The following GALNT13 variants were observed in gnomAD, a reference collection of about 807,000 sequenced individuals.
The protein encoded by GALNT13 is polypeptide N-acetylgalactosaminyltransferase 13.
GALNT13 carries 28 observed loss-of-function variants against 64.2 expected under a neutral mutation model. The observed-to-expected ratio is 0.44, with a 90% CI of 0.32 to 0.60. GALNT13 has a LOEUF of 0.60. Among genes scored for constraint, GALNT13 ranks in the 20% least tolerant of loss-of-function variants. GALNT13 has a pLI of 0.05. For missense variants in GALNT13, 577 were observed against 669.8 expected (o/e 0.86, Z 1.53); for synonymous variants, 214 against 224.6 (o/e 0.95, Z 0.42).
chr2:153,924,592 G>C (rs1195268825), intron 2 of GALNT13, among the ~76,000 whole-genome samples: 2 of 152,120 alleles, frequency 1.3e-5, no homozygotes, highest in Non-Finnish European at 2.9e-5. Flanking sequence ...GAGATTGCTG[G>C]ATCAAATGGC....
the GALNT13 span, among the ~76,000 whole-genome samples, chr2:153,491,295 CA>C: frequency 4.6e-5 from 7 of 151,796 alleles, no homozygotes; most frequent in Admixed American, 2.6e-4. Context: ...TGAAGCTTCA[CA>C]AAGGAAAAGT....
At chr2:153,970,507 C>T (rs1022054308) in intron 3 of GALNT13, among the ~76,000 whole-genome samples, 3 of 152,140 alleles carry the variant, frequency 2.0e-5, no homozygotes, top group African/African-American at 7.2e-5. Flanking sequence ...TGTACTTATT[C>T]CTTTAGTGAT....
intron 10 of GALNT13, among the ~76,000 whole-genome samples, chr2:154,401,635 T>G (rs1049620861): frequency 7.9e-5 from 12 of 152,158 alleles, no homozygotes; most frequent in Non-Finnish European, 1.5e-4. Context: ...TAAACTAAAA[T>G]TCATTCTAAT....
the GALNT13 span, among the ~76,000 whole-genome samples, chr2:153,073,234 G>A: frequency 6.6e-6 from 1 of 152,044 alleles, no homozygotes; most frequent in East Asian, 1.9e-4. Flanking sequence ...GGTTCTCAAG[G>A]AGTGGGTTGT....
At chr2:154,295,214 C>T (rs1692847750) in intron 8 of GALNT13, among the ~76,000 whole-genome samples, 1 of 152,078 alleles carries the variant, frequency 6.6e-6, no homozygotes, top group Non-Finnish European at 1.5e-5. Flanking sequence ...TAGTGGAGTA[C>T]AGATTTAAAA....
the GALNT13 span, among the ~76,000 whole-genome samples, chr2:153,605,036 C>A: frequency 6.6e-6 from 1 of 152,046 alleles, no homozygotes; most frequent in East Asian, 1.9e-4. Flanking sequence ...TATCTCCTGA[C>A]CATCTGTCTA....
chr2:154,409,705 G>A lies in GALNT13; in HGVS notation c.1395+623G>A, dbSNP rs141589739. On this transcript the variant is annotated intron_variant, in intron 11 of 12. Transcript: ENST00000392825. Reference sequence around the variant, plus strand: ...GCCACTTTGAGAGGTAGAATTTGGAGTTCCTGGGAACTATACCAACAAAGC... The same window carrying A: ...GCCACTTTGAGAGGTAGAATTTGGAATTCCTGGGAACTATACCAACAAAGC... Among the ~76,000 whole-genome samples, 121 of 152,016 alleles carry A rather than the reference G, an allele frequency of 8.0e-4. 2 individuals carry two copies. The Middle Eastern group carries it at 0.027, about 34-fold the overall frequency.
the GALNT13 span, among the ~76,000 whole-genome samples, chr2:153,252,235 T>A: frequency 7.0e-6 from 1 of 142,686 alleles, no homozygotes; most frequent in African/African-American, 2.7e-5. Context: ...TGGTGAGCAT[T>A]TTTTCATGTG....
chr2:154,424,336 T>A (rs1700380828), intron 11 of GALNT13, among the ~76,000 whole-genome samples: 1 of 152,204 alleles, frequency 6.6e-6, no homozygotes, highest in African/African-American at 2.4e-5. Context: ...TTTGTAGAAC[T>A]TCTTTAACCT....
the GALNT13 span, among the ~76,000 whole-genome samples, chr2:153,660,841 A>G: frequency 6.6e-6 from 1 of 152,208 alleles, no homozygotes; most frequent in African/African-American, 2.4e-5. Flanking sequence ...TTTCTGTCAG[A>G]TGTGATATAG....
the GALNT13 span, among the ~76,000 whole-genome samples, chr2:153,537,015 T>C: frequency 6.6e-6 from 1 of 152,184 alleles, no homozygotes; most frequent in Non-Finnish European, 1.5e-5. Context: ...GAGAACTTCT[T>C]ATTGGAGGTG....
chr2:154,132,539 C>T (rs2105551645), intron 3 of GALNT13, among the ~76,000 whole-genome samples: 1 of 152,042 alleles, frequency 6.6e-6, no homozygotes, highest in Middle Eastern at 3.4e-3. Context: ...ATGATATGTA[C>T]ACTTATAATG....
the GALNT13 span, among the ~76,000 whole-genome samples, chr2:153,183,272 G>A: frequency 1.6e-4 from 24 of 152,220 alleles, no homozygotes; most frequent in East Asian, 2.3e-3. Flanking sequence ...CCACGTGTAC[G>A]TCTTCTTTTG....
intron 7 of GALNT13, among the ~76,000 whole-genome samples, chr2:154,246,817 A>C (rs947684654): frequency 6.6e-6 from 1 of 152,064 alleles, no homozygotes; most frequent in Non-Finnish European, 1.5e-5. Context: ...TGGAAACTGC[A>C]ACTTTAAACA....
At chr2:153,333,585 C>A in the GALNT13 span, among the ~76,000 whole-genome samples, 2 of 152,204 alleles carry the variant, frequency 1.3e-5, no homozygotes, top group South Asian at 4.1e-4. Context: ...TGAAAAAAAA[C>A]TGTCTTATCA....
chr2:153,203,692 T>G, the GALNT13 span, among the ~76,000 whole-genome samples: 2 of 152,184 alleles, frequency 1.3e-5, no homozygotes, highest in Non-Finnish European at 2.9e-5. Flanking sequence ...CATAGTAGCT[T>G]GTTTAAGCAT....
At chr2:153,080,266 G>A in the GALNT13 span, among the ~76,000 whole-genome samples, 1 of 151,882 alleles carries the variant, frequency 6.6e-6, no homozygotes, top group Non-Finnish European at 1.5e-5. Flanking sequence ...ATTGATTTAA[G>A]CTGTTTAGGT....
At chr2:154,176,360 C>T (rs188667340) in intron 4 of GALNT13, among the ~76,000 whole-genome samples, 4 of 151,322 alleles carry the variant, frequency 2.6e-5, no homozygotes, top group Non-Finnish European at 4.4e-5. Context: ...CTGCAACCTC[C>T]GCCTCCTGGG....
At chr2:153,832,602 T>C in the GALNT13 span, among the ~76,000 whole-genome samples, 1 of 152,190 alleles carries the variant, frequency 6.6e-6, no homozygotes, top group Non-Finnish European at 1.5e-5. Context: ...ACTGATGATA[T>C]TGTTTTGTAG....
Sources: gnomAD v4.1 joint callset for allele counts (sites outside exome capture counted in the v4.1 genomes callset) on GRCh38, gnomAD v4.1.1 for gene constraint, MANE v1.5 for transcripts, NCBI Gene and HGNC (gene_info 2026-07-23, HGNC 2026-07-21) for gene names.